Variants in FNIP1 observed in about 807,000 individuals in gnomAD.
FNIP1 encodes the protein folliculin interacting protein 1, also known as folliculin-interacting protein 1.
A neutral mutation model predicts 124.5 loss-of-function variants in FNIP1; 40 were observed. The observed-to-expected ratio is 0.32, with a 90% CI of 0.25 to 0.42. The LOEUF is 0.42. FNIP1 is among the 10% of genes least tolerant of loss of function. FNIP1 has a pLI of 1.00. For synonymous variants in FNIP1, 472 were observed against 470.6 expected (o/e 1.00, Z -0.04); for missense variants, 1,176 against 1,403.7 (o/e 0.84, Z 2.59).
rs571926693 is a variant in FNIP1, at chr5:131,653,531, T to C, written c.3109-1532A>G. 2.8e-3 allele frequency among the ~76,000 whole-genome samples: 425 copies of C among 151,058 alleles called. 1 individual carries two copies. Among genetic ancestry groups the C allele is most frequent in the African/African-American group, 9.4e-3 (386 of 41,158 alleles). On this transcript the variant is annotated intron_variant, in intron 15 of 17. Coordinates refer to ENST00000510461, the MANE Select transcript of FNIP1 (RefSeq NM_133372.3). ...TCTAGCCTGGGCAACAAGAGCGAAA[T>C]TCCGTCTCAAAAAAAAAAAAAGTCA...
chr5:131,746,681 G>GAT (rs1363668993), intron 1 of FNIP1, among the ~76,000 whole-genome samples: 6 of 152,122 alleles, frequency 3.9e-5, no homozygotes, highest in Non-Finnish European at 7.4e-5. Context: ...CACCACTGAT[G>GAT]GGACCCTCCC....
intron 1 of FNIP1, among the ~76,000 whole-genome samples, chr5:131,785,187 G>C (rs1348914530): frequency 7.8e-6 from 1 of 128,330 alleles, no homozygotes; most frequent in Non-Finnish European, 1.6e-5. Context: ...TCATATATAT[G>C]ATATATATGA....
intron 3 of FNIP1, among the ~76,000 whole-genome samples, chr5:131,721,155 AAG>A (rs1769646769): frequency 6.6e-6 from 1 of 152,234 alleles, no homozygotes; most frequent in Admixed American, 6.5e-5. Flanking sequence ...AGTTTTCAAA[AAG>A]AAGAAAATTC....
At chr5:131,711,786 G>A (rs748994612) in intron 6 of FNIP1, among the ~76,000 whole-genome samples, 3 of 152,194 alleles carry the variant, frequency 2.0e-5, no homozygotes, top group African/African-American at 7.2e-5. Flanking sequence ...ATGAGCCACT[G>A]TATCCAGCCA....
intron 11 of FNIP1, among the ~76,000 whole-genome samples, chr5:131,689,699 G>A (rs1768408607): frequency 6.6e-6 from 1 of 152,160 alleles, no homozygotes; most frequent in Non-Finnish European, 1.5e-5. Flanking sequence ...AGAGAAAAAT[G>A]GAAGCGTTTA....
chr5:131,671,717 G>A lies in FNIP1; in HGVS notation c.2727C>T (p.Leu909=). ...TATCCCCATGGGGGACAAGAATGGA[G>A]AGTGTATCTCTTTGGTCCTGCTGAG... ...CFPQQDQRDT[L]SILVPHGDKE... The change falls in exon 14 of 18, where the codon CTC becomes CTT. Residue 909 remains leucine (L), a synonymous_variant. Coordinates refer to ENST00000510461, the MANE Select transcript of FNIP1 (RefSeq NM_133372.3). 1 of 1,614,156 alleles carries A rather than the reference G, an allele frequency of 6.2e-7. No individual in the cohort carries two copies. Among genetic ancestry groups the A allele is most frequent in the Non-Finnish European group, 8.5e-7 (1 of 1,180,026 alleles).
chr5:131,669,355 G>A (rs1767686684), intron 15 of FNIP1, among the ~76,000 whole-genome samples: 1 of 152,056 alleles, frequency 6.6e-6, no homozygotes, highest in South Asian at 2.1e-4. Flanking sequence ...TGATATCAGA[G>A]CTAGACAAAG....
intron 2 of FNIP1, among the ~76,000 whole-genome samples, chr5:131,740,801 A>G (rs1770487013): frequency 6.6e-6 from 1 of 152,220 alleles, no homozygotes; most frequent in Non-Finnish European, 1.5e-5. Context: ...AGGTTGGCAC[A>G]AGACATAAGT....
intron 15 of FNIP1, among the ~76,000 whole-genome samples, chr5:131,667,778 G>T (rs1168127964): frequency 6.6e-6 from 1 of 152,120 alleles, no homozygotes; most frequent in African/African-American, 2.4e-5. Context: ...TGTAGAGGCA[G>T]GGTTTCACCA....
Position 131,679,010 on chromosome 5 carries a change from A to T in FNIP1, c.1349+19T>A, listed in dbSNP as rs1395024544. 4 of 1,544,880 alleles carry T rather than the reference A, an allele frequency of 2.6e-6. No homozygotes were observed. Among genetic ancestry groups the T allele is most frequent in the Non-Finnish European group, 3.5e-6 (4 of 1,128,786 alleles). On this transcript the variant is annotated intron_variant, in intron 12 of 17. Transcript: ENST00000510461. ...TTGATTACAATCTAGATATCTAGTT[A>T]TAATAAATAAATTCATACTGATTTT...
Position 131,768,493 on chromosome 5 carries a change from A to G in FNIP1, c.93-23803T>C, listed in dbSNP as rs185778701. 6.7e-3 allele frequency among the ~76,000 whole-genome samples: 1,009 copies of G among 151,286 alleles called. 4 individuals are homozygous for G. Among genetic ancestry groups the G allele is most frequent in the Middle Eastern group, 0.014 (4 of 288 alleles). On this transcript the variant is annotated intron_variant, in intron 1 of 17. Coordinates refer to ENST00000510461, the MANE Select transcript of FNIP1 (RefSeq NM_133372.3). ...TTTTTTTTTTTTTAAAAAGGGGGGA[A>G]CTTGTATAATGTGACTTATTTAAAA...
At chr5:131,734,975 A>C (rs1167073883) in intron 2 of FNIP1, among the ~76,000 whole-genome samples, 10 of 152,166 alleles carry the variant, frequency 6.6e-5, no homozygotes, top group Non-Finnish European at 4.4e-5. Flanking sequence ...ACCCAAAGGA[A>C]TATAAATCAT....
chr5:131,647,706 C>T (rs923654655), intron 16 of FNIP1, among the ~76,000 whole-genome samples: 3 of 152,016 alleles, frequency 2.0e-5, no homozygotes, highest in Non-Finnish European at 4.4e-5. Context: ...AAACTCCTGA[C>T]CTCAGGTGAT....
At chr5:131,753,928 C>T (rs1021674838) in intron 1 of FNIP1, among the ~76,000 whole-genome samples, 9 of 152,266 alleles carry the variant, frequency 5.9e-5, no homozygotes, top group Admixed American at 4.6e-4. Context: ...ATTCTCCTGC[C>T]TCAGCCTCCT....
intron 3 of FNIP1, among the ~76,000 whole-genome samples, chr5:131,724,454 G>C (rs1769785505): frequency 6.6e-6 from 1 of 152,036 alleles, no homozygotes; most frequent in Admixed American, 6.5e-5. Flanking sequence ...CATTTCTCTG[G>C]TGACCAGTGA....
At chr5:131,685,191 A>C (rs1234664461) in intron 11 of FNIP1, among the ~76,000 whole-genome samples, 1 of 152,146 alleles carries the variant, frequency 6.6e-6, no homozygotes, top group East Asian at 1.9e-4. Context: ...ACAAGAGTTC[A>C]AGATTAGCCT....
At chr5:131,748,168 C>G (rs762219657) in intron 1 of FNIP1, among the ~76,000 whole-genome samples, 1 of 152,022 alleles carries the variant, frequency 6.6e-6, no homozygotes, top group Non-Finnish European at 1.5e-5. Flanking sequence ...TAGTCATACA[C>G]CATATAACGT....
At chr5:131,651,097 A>C (rs1023829788) in intron 16 of FNIP1, among the ~76,000 whole-genome samples, 1 of 152,174 alleles carries the variant, frequency 6.6e-6, no homozygotes, top group Non-Finnish European at 1.5e-5. Context: ...AAAAAAAAAA[A>C]ACAGATATAT....
At chr5:131,721,305 A>G (rs1264157717) in intron 3 of FNIP1, among the ~76,000 whole-genome samples, 2 of 152,156 alleles carry the variant, frequency 1.3e-5, no homozygotes, top group African/African-American at 4.8e-5. Context: ...TACAGAATCA[A>G]AGAGTAGAAT....
Sources: allele counts gnomAD v4.1 joint callset (sites outside exome capture counted in the v4.1 genomes callset), GRCh38; gene constraint gnomAD v4.1.1; transcripts MANE v1.5; gene names NCBI Gene and HGNC (gene_info 2026-07-23, HGNC 2026-07-21).